Variants in HPSE2 observed in about 807,000 individuals in gnomAD.
HPSE2 encodes the protein heparanase 2 (inactive), also known as inactive heparanase-2.
A neutral mutation model predicts 60.5 loss-of-function variants in HPSE2; 38 were observed. The ratio of observed to expected loss-of-function variants is 0.63; its 90% CI spans 0.48 to 0.82. The LOEUF (loss-of-function observed/expected upper bound fraction) is 0.82. HPSE2 is among the 40% of genes least tolerant of loss of function. The pLI, the probability that HPSE2 is intolerant of heterozygous loss-of-function variation, is 0.00. For synonymous variants in HPSE2, 295 were observed against 293.2 expected (o/e 1.01, Z -0.06); for missense variants, 713 against 740.4 (o/e 0.96, Z 0.43).
intron 9 of HPSE2, 63 bp from the exon 10 acceptor site, chr10:98,490,259 C>A: frequency 7.4e-7 from 1 of 1,353,896 alleles, no homozygotes; most frequent in Non-Finnish European, 1.0e-6. Context: ...TCTGAGTAAA[C>A]ATGACACACA....
chr10:98,879,884 T>TGTGTGTGA (rs1343281360), intron 3 of HPSE2, among the ~76,000 whole-genome samples: 2 of 151,118 alleles, frequency 1.3e-5, no homozygotes, highest in Non-Finnish European at 2.9e-5. Flanking sequence ...TGTGTGTGTG[T>TGTGTGTGA]GTGATGTGTT....
At chr10:99,172,939 T>C (rs753727240) in intron 2 of HPSE2, among the ~76,000 whole-genome samples, 8 of 152,154 alleles carry the variant, frequency 5.3e-5, no homozygotes, top group Non-Finnish European at 1.0e-4. Flanking sequence ...ATCAAGGGGA[T>C]GACATTTTCA....
the HPSE2 span, among the ~76,000 whole-genome samples, chr10:99,308,260 C>T: frequency 2.3e-4 from 35 of 151,072 alleles, no homozygotes; most frequent in Admixed American, 1.1e-3. Flanking sequence ...TGGTGGCACA[C>T]GCCTGAAATC....
chr10:99,166,617 T>C (rs1019808095), intron 2 of HPSE2, among the ~76,000 whole-genome samples: 1 of 152,214 alleles, frequency 6.6e-6, no homozygotes, highest in African/African-American at 2.4e-5. Context: ...GACAATGATG[T>C]TGAGCACATT....
chr10:98,863,437 T>C (rs779735615), intron 3 of HPSE2, among the ~76,000 whole-genome samples: 1 of 152,114 alleles, frequency 6.6e-6, no homozygotes, highest in Non-Finnish European at 1.5e-5. Flanking sequence ...TCTTGATAGA[T>C]AGATAAAAAG....
At chr10:98,909,941 A>G (rs1238187411) in intron 3 of HPSE2, among the ~76,000 whole-genome samples, 2 of 152,202 alleles carry the variant, frequency 1.3e-5, no homozygotes, top group African/African-American at 2.4e-5. Flanking sequence ...CAAATATGGA[A>G]AAAACTGTTA....
chr10:98,523,030 A>G (rs2133778624), intron 9 of HPSE2, among the ~76,000 whole-genome samples: 1 of 152,324 alleles, frequency 6.6e-6, no homozygotes. Context: ...TCCTATATGG[A>G]TGCTGTCCTA....
chr10:98,621,742 A>G (rs1202841671), intron 7 of HPSE2, among the ~76,000 whole-genome samples: 1 of 152,188 alleles, frequency 6.6e-6, no homozygotes, highest in Non-Finnish European at 1.5e-5. Context: ...TTGCCCCTCT[A>G]TCCCTATTTC....
At chr10:98,646,459 G>C (rs1252076665) in intron 6 of HPSE2, among the ~76,000 whole-genome samples, 24 of 152,000 alleles carry the variant, frequency 1.6e-4, no homozygotes, top group Admixed American at 1.5e-3. Flanking sequence ...TCGTCGAGCT[G>C]TTCCACTAAA....
chr10:99,163,510 G>T (rs1033468026), intron 2 of HPSE2, among the ~76,000 whole-genome samples: 1 of 152,002 alleles, frequency 6.6e-6, no homozygotes, highest in Non-Finnish European at 1.5e-5. Flanking sequence ...ACATGTATGG[G>T]CTTTCATCAT....
chr10:99,214,118 T>C (rs1564899003), intron 2 of HPSE2, among the ~76,000 whole-genome samples: 1 of 152,176 alleles, frequency 6.6e-6, no homozygotes, highest in African/African-American at 2.4e-5. Context: ...CTCAACATTA[T>C]TAGCCATCGG....
At chr10:99,160,125 A>G (rs888925031) in intron 2 of HPSE2, among the ~76,000 whole-genome samples, 9 of 152,054 alleles carry the variant, frequency 5.9e-5, no homozygotes, top group African/African-American at 1.9e-4. Flanking sequence ...TCTGACAAAA[A>G]AAAAAAAAGA....
intron 9 of HPSE2, among the ~76,000 whole-genome samples, chr10:98,520,897 C>T (rs1413130535): frequency 6.6e-6 from 1 of 152,106 alleles, no homozygotes; most frequent in Non-Finnish European, 1.5e-5. Context: ...GGAAAGGATT[C>T]CCTATTTAAT....
chr10:99,030,525 C>T (rs1957476155), intron 3 of HPSE2, among the ~76,000 whole-genome samples: 1 of 152,188 alleles, frequency 6.6e-6, no homozygotes, highest in African/African-American at 2.4e-5. Flanking sequence ...AAAGGGAAAC[C>T]TTGTACCCTA....
At chr10:98,564,135 C>T (rs1944270528) in intron 9 of HPSE2, among the ~76,000 whole-genome samples, 1 of 152,184 alleles carries the variant, frequency 6.6e-6, no homozygotes. Flanking sequence ...TAGCCAGCCA[C>T]AATGTACTAA....
chr10:98,551,038 GA>G (rs1187789419), intron 9 of HPSE2, among the ~76,000 whole-genome samples: 3 of 152,140 alleles, frequency 2.0e-5, no homozygotes, highest in Non-Finnish European at 4.4e-5. Flanking sequence ...CACATTTGAG[GA>G]ATTATAAATA....
intron 2 of HPSE2, among the ~76,000 whole-genome samples, chr10:99,173,618 T>G (rs1429446486): frequency 1.3e-5 from 2 of 151,994 alleles, no homozygotes; most frequent in African/African-American, 4.8e-5. Context: ...AACTTATAAC[T>G]CTGAAAAAAA....
intron 3 of HPSE2, among the ~76,000 whole-genome samples, chr10:98,940,332 C>T (rs1393806576): frequency 7.0e-6 from 1 of 143,486 alleles, no homozygotes; most frequent in African/African-American, 2.8e-5. Context: ...TGACAGACTG[C>T]TAGCAAGACT....
At chr10:98,725,109 G>T (rs148370299) in intron 4 of HPSE2, among the ~76,000 whole-genome samples, 2,734 of 152,190 alleles carry the variant, frequency 0.018, 103 homozygotes, top group African/African-American at 0.063. Flanking sequence ...AGCTACCAAT[G>T]ACTTTCTTCA....
Sources: allele counts gnomAD v4.1 joint callset (sites outside exome capture counted in the v4.1 genomes callset), GRCh38; gene constraint gnomAD v4.1.1; transcripts MANE v1.5; gene names NCBI Gene and HGNC (gene_info 2026-07-23, HGNC 2026-07-21).